Variants in TRPM3 observed in about 807,000 individuals in gnomAD.
TRPM3 encodes long transient receptor potential channel 3.
Under a neutral mutation model 181.2 loss-of-function variants are expected in TRPM3, and 77 were observed. The observed-to-expected ratio is 0.42, with a 90% CI of 0.35 to 0.51. The LOEUF (loss-of-function observed/expected upper bound fraction) is 0.51, where lower values mean the gene tolerates loss of function less well. TRPM3 is among the 20% of genes least tolerant of loss of function. The pLI, the probability that TRPM3 is intolerant of heterozygous loss-of-function variation, is 0.01. For synonymous variants in TRPM3, 745 were observed against 796.4 expected, an observed-to-expected ratio of 0.94 and a Z score of 1.09; for missense variants, 1,759 against 2,196.7, an observed-to-expected ratio of 0.80 and a Z score of 3.98.
chr9:70,686,161 C>T (rs374545231), intron 8 of TRPM3, among the ~76,000 whole-genome samples: 11 of 151,360 alleles, frequency 7.3e-5, no homozygotes, highest in East Asian at 3.9e-4. Context: ...TACACACATA[C>T]GTATGTAAAA....
chr9:71,264,474 C>CA lies in TRPM3; in HGVS notation c.183+182178dup, dbSNP rs35075685. Among the ~76,000 whole-genome samples, 5 of 151,466 alleles carry CA rather than the reference C, an allele frequency of 3.3e-5. No homozygotes were observed. In the East Asian group the frequency reaches 7.8e-4, roughly 23 times the overall value. On this transcript the variant is annotated intron_variant, in intron 1 of 24. Coordinates refer to the TRPM3 transcript ENST00000357533. ...GATGTTTCAGTCTCAGTAAGCGATC[C>CA]AAAAAAAAGTCCCCAAATTGGCATA...
At chr9:70,553,742 G>A (rs1430255283) in intron 22 of TRPM3, among the ~76,000 whole-genome samples, 1 of 152,250 alleles carries the variant, frequency 6.6e-6, no homozygotes, top group Admixed American at 6.5e-5. Flanking sequence ...TGTAAGAGCA[G>A]CAGCATCTCG....
chr9:70,799,307 G>T (rs1357762901), intron 6 of TRPM3, among the ~76,000 whole-genome samples: 1 of 151,408 alleles, frequency 6.6e-6, no homozygotes, highest in Non-Finnish European at 1.5e-5. Context: ...CATTATCATA[G>T]ATGAGACAAA....
chr9:70,844,591 A>G (rs1589158119), intron 4 of TRPM3, among the ~76,000 whole-genome samples: 2 of 152,194 alleles, frequency 1.3e-5, no homozygotes, highest in South Asian at 4.1e-4. Context: ...GTTTAACGTT[A>G]TGGTATGCTC....
chr9:71,191,391 A>G (rs1587863785), intron 1 of TRPM3, among the ~76,000 whole-genome samples: 1 of 151,658 alleles, frequency 6.6e-6, no homozygotes, highest in East Asian at 1.9e-4. Context: ...TTTCTTCCAC[A>G]ATGCTTTCCA....
Position 71,199,882 on chromosome 9 carries a change from C to T in TRPM3, c.183+246771G>A, listed in dbSNP as rs576243221. On this transcript the variant is annotated intron_variant, in intron 1 of 24. Transcript: ENST00000357533. Reference sequence around the variant, plus strand: ...TGTGTCTCTATTTCCTTCAGTTCTGCTCTGATTTTAGTTATTTCTTGCCTT... The same window carrying T: ...TGTGTCTCTATTTCCTTCAGTTCTGTTCTGATTTTAGTTATTTCTTGCCTT... Among the ~76,000 whole-genome samples the T allele has an allele frequency of 7.6e-3, 1,155 of 152,098 alleles. 10 individuals carry two copies. The highest frequency in any genetic ancestry group is 0.012 in the Non-Finnish European group (802 of 67,980).
At chr9:70,739,742 T>G (rs1267520119) in intron 8 of TRPM3, among the ~76,000 whole-genome samples, 1 of 152,070 alleles carries the variant, frequency 6.6e-6, no homozygotes, top group Non-Finnish European at 1.5e-5. Context: ...GGGATTCTCC[T>G]GATTAGGTGG....
chr9:71,182,005 A>G lies in TRPM3; in HGVS notation c.183+264648T>C, dbSNP rs1415529116. 1.2e-4 allele frequency among the ~76,000 whole-genome samples: 19 copies of G among 152,258 alleles called. 1 individual carries two copies. The highest frequency in any genetic ancestry group is 3.4e-3 in the Middle Eastern group (1 of 294). On this transcript the variant is annotated intron_variant, in intron 1 of 24. Coordinates refer to the TRPM3 transcript ENST00000357533. ...CAAGCTCCATGGGTCATTGTTAGGC[A>G]TGTTAAATAATGGAAACCCCGGCCT...
At chr9:71,007,500 A>T (rs1008638834) in intron 1 of TRPM3, among the ~76,000 whole-genome samples, 25 of 152,226 alleles carry the variant, frequency 1.6e-4, no homozygotes, top group Non-Finnish European at 3.1e-4. Flanking sequence ...CTTAAAAAAA[A>T]ATCAAACTCA....
intron 1 of TRPM3, among the ~76,000 whole-genome samples, chr9:71,336,685 C>T (rs2090579232): frequency 6.6e-6 from 1 of 152,136 alleles, no homozygotes; most frequent in Non-Finnish European, 1.5e-5. Context: ...AGGCATCACA[C>T]TACCTGACTT....
At chr9:71,032,273 G>T (rs760143845) in intron 1 of TRPM3, among the ~76,000 whole-genome samples, 10 of 140,602 alleles carry the variant, frequency 7.1e-5, no homozygotes, top group Non-Finnish European at 1.5e-4. Flanking sequence ...AGAATAAGAG[G>T]CTAGTCATTC....
intron 25 of TRPM3, among the ~76,000 whole-genome samples, chr9:70,545,988 T>C (rs747845352): frequency 1.3e-5 from 2 of 152,200 alleles, no homozygotes; most frequent in Non-Finnish European, 2.9e-5. Context: ...AGAGTTCCTA[T>C]ATCACCTCCT....
At chr9:71,197,130 T>C (rs923977910) in intron 1 of TRPM3, among the ~76,000 whole-genome samples, 6 of 151,330 alleles carry the variant, frequency 4.0e-5, no homozygotes, top group African/African-American at 1.2e-4. Flanking sequence ...GTTTGGTTTT[T>C]TGTCCTTGCG....
chr9:70,685,216 G>A (rs1413043940), intron 8 of TRPM3, among the ~76,000 whole-genome samples: 4 of 152,130 alleles, frequency 2.6e-5, no homozygotes, highest in Non-Finnish European at 4.4e-5. Context: ...TTATGTCAAC[G>A]TATCAAATCC....
intron 1 of TRPM3, among the ~76,000 whole-genome samples, chr9:71,083,638 A>G (rs1167542938): frequency 6.6e-6 from 1 of 151,598 alleles, no homozygotes; most frequent in Non-Finnish European, 1.5e-5. Context: ...TTTTGCTGTA[A>G]TCAGTAGGCC....
chr9:70,986,336 C>T (rs2097421246), intron 1 of TRPM3, among the ~76,000 whole-genome samples: 1 of 152,148 alleles, frequency 6.6e-6, no homozygotes, highest in South Asian at 2.1e-4. Flanking sequence ...TGCACTTCAC[C>T]TGGGCAACAG....
intron 25 of TRPM3, among the ~76,000 whole-genome samples, chr9:70,547,052 CTT>C (rs1234463023): frequency 1.3e-5 from 2 of 152,066 alleles, no homozygotes; most frequent in African/African-American, 2.4e-5. Context: ...GTATAAATAA[CTT>C]GTGTTTTAGG....
chr9:70,992,737 A>G (rs1185922073), intron 1 of TRPM3, among the ~76,000 whole-genome samples: 1 of 152,242 alleles, frequency 6.6e-6, no homozygotes, highest in Non-Finnish European at 1.5e-5. Context: ...TGACAAAGCT[A>G]TTCTAGAGGG....
chr9:71,003,811 C>T (rs2097645143), intron 1 of TRPM3, among the ~76,000 whole-genome samples: 1 of 151,718 alleles, frequency 6.6e-6, no homozygotes, highest in Non-Finnish European at 1.5e-5. Context: ...GAATACCACA[C>T]TGAATTCAAT....
Sources: gnomAD v4.1 joint callset for allele counts (sites outside exome capture counted in the v4.1 genomes callset) on GRCh38, gnomAD v4.1.1 for gene constraint, MANE v1.5 for transcripts, NCBI Gene and HGNC (gene_info 2026-07-23, HGNC 2026-07-21) for gene names.